The following TPTE2 variants were observed in gnomAD, a reference collection of about 807,000 sequenced individuals.
The protein encoded by TPTE2 is transmembrane phosphoinositide 3-phosphatase and tensin homolog 2, also known as phosphatidylinositol 3,4,5-trisphosphate 3-phosphatase TPTE2.
Under a neutral mutation model 78.6 loss-of-function variants are expected in TPTE2, and 53 were observed. The observed-to-expected ratio is 0.67, with a 90% confidence interval of 0.54 to 0.85. The LOEUF (loss-of-function observed/expected upper bound fraction) is 0.85. Ranked by LOEUF, TPTE2 falls within the 40% of genes least tolerant of loss-of-function variation. The pLI, the probability that TPTE2 is intolerant of heterozygous loss-of-function variation, is 0.00. For synonymous variants in TPTE2, 175 were observed against 206.2 expected (o/e 0.85, Z 1.30); for missense variants, 461 against 623.0 (o/e 0.74, Z 2.77).
At chr13:19,539,001 T>C (rs2137764537), upstream of TPTE2, among the ~76,000 whole-genome samples, 1 of 152,334 alleles carries the variant, frequency 6.6e-6, no homozygotes, top group South Asian at 2.1e-4. Flanking sequence ...GTGGGGACTC[T>C]ACAGAGTTCT....
At chr13:19,499,239 A>G (rs1486808118) in intron 1 of TPTE2, among the ~76,000 whole-genome samples, 1 of 152,156 alleles carries the variant, frequency 6.6e-6, no homozygotes, top group Non-Finnish European at 1.5e-5. Context: ...AGACAGATCA[A>G]CGAGACAGAA....
intron 13 of TPTE2, among the ~76,000 whole-genome samples, chr13:19,442,207 A>G (rs778126477): frequency 3.3e-5 from 5 of 152,094 alleles, no homozygotes; most frequent in Non-Finnish European, 7.4e-5. Context: ...ATTTCAAAGA[A>G]CTAAAAAAGA....
the TPTE2 span, among the ~76,000 whole-genome samples, chr13:19,549,357 G>A: frequency 1.3e-5 from 2 of 151,996 alleles, no homozygotes; most frequent in Non-Finnish European, 2.9e-5. Context: ...ATGAACAGAC[G>A]ATTCTCAAAA....
At chr13:19,498,941 A>C (rs1258740499) in intron 1 of TPTE2, among the ~76,000 whole-genome samples, 8 of 152,098 alleles carry the variant, frequency 5.3e-5, no homozygotes, top group African/African-American at 1.9e-4. Context: ...TCAAAATAAA[A>C]GGATGGAGGA....
chr13:19,440,765 T>C (rs1877435158), intron 13 of TPTE2, among the ~76,000 whole-genome samples: 1 of 149,832 alleles, frequency 6.7e-6, no homozygotes, highest in Non-Finnish European at 1.5e-5. Context: ...AGACTCCATC[T>C]CAAAAACAAA....
chr13:19,447,037 A>T (rs1014097047), intron 13 of TPTE2, among the ~76,000 whole-genome samples: 4 of 152,308 alleles, frequency 2.6e-5, no homozygotes, highest in Admixed American at 1.3e-4. Context: ...TACAATACTA[A>T]GAAAAATTGG....
At chr13:19,518,453 A>G (rs555493538) in intron 1 of TPTE2, among the ~76,000 whole-genome samples, 6 of 152,344 alleles carry the variant, frequency 3.9e-5, no homozygotes, top group African/African-American at 1.4e-4. Flanking sequence ...AAATATGTGA[A>G]CAGATACTTC....
intron 17 of TPTE2, among the ~76,000 whole-genome samples, chr13:19,430,025 T>G (rs1395054889): frequency 2.0e-5 from 3 of 152,188 alleles, no homozygotes; most frequent in Non-Finnish European, 4.4e-5. Context: ...CGAATCATAC[T>G]TTGGGGGTAC....
intron 13 of TPTE2, among the ~76,000 whole-genome samples, chr13:19,443,397 C>CTTTTTTTTTTTTT (rs71092357): frequency 1.0e-4 from 13 of 129,906 alleles, no homozygotes; most frequent in East Asian, 4.6e-4. Context: ...TTCTTTCTTT[C>CTTTTTTTTTTTTT]TTTTTTTTTT....
chr13:19,520,879 C>T (rs747049047), intron 1 of TPTE2, among the ~76,000 whole-genome samples: 5 of 151,996 alleles, frequency 3.3e-5, no homozygotes, highest in Non-Finnish European at 4.4e-5. Flanking sequence ...TACATTGTTT[C>T]ATTTCCATAT....
At chr13:19,506,661 A>T (rs1869073566), upstream of TPTE2, among the ~76,000 whole-genome samples, 1 of 152,238 alleles carries the variant, frequency 6.6e-6, no homozygotes, top group Admixed American at 6.5e-5. Flanking sequence ...GGAATGCCAA[A>T]GATTGCCAAC....
intron 19 of TPTE2, among the ~76,000 whole-genome samples, chr13:19,424,510 T>G (rs1566032289): frequency 6.6e-6 from 1 of 152,218 alleles, no homozygotes; most frequent in Non-Finnish European, 1.5e-5. Flanking sequence ...GATATAAGTG[T>G]GTCCGTCAGC....
chr13:19,488,882 G>A (rs1220266561), intron 3 of TPTE2, among the ~76,000 whole-genome samples: 1 of 152,118 alleles, frequency 6.6e-6, no homozygotes, highest in Non-Finnish European at 1.5e-5. Flanking sequence ...CAACTTGGCT[G>A]AACTGCTACA....
At chr13:19,454,092 C>A (rs746899820) in intron 10 of TPTE2, among the ~76,000 whole-genome samples, 1 of 152,138 alleles carries the variant, frequency 6.6e-6, no homozygotes, top group Non-Finnish European at 1.5e-5. Context: ...ATGCTTCCAC[C>A]GTAGTGCTTG....
At chr13:19,451,843 G>GTGTGTGTGTGTGTGTATATA (rs1555249617) in intron 10 of TPTE2, among the ~76,000 whole-genome samples, 1 of 147,030 alleles carries the variant, frequency 6.8e-6, no homozygotes, top group Non-Finnish European at 1.5e-5. Context: ...GTGTGTGTGT[G>GTGTGTGTGTGTGTGTATATA]TATATATGTA....
At chr13:19,533,878 C>T (rs1871035525) in intron 1 of TPTE2, among the ~76,000 whole-genome samples, 1 of 152,174 alleles carries the variant, frequency 6.6e-6, no homozygotes, top group Non-Finnish European at 1.5e-5. Flanking sequence ...CTTCCTTGCC[C>T]TCTGAACTGT....
the TPTE2 span, chr13:19,560,877 G>C: frequency 1.9e-6 from 3 of 1,568,722 alleles, no homozygotes; most frequent in East Asian, 4.7e-5. Context: ...CAGGCCTTGC[G>C]TCTCCGCTTG....
chr13:19,452,951 TTTTTA>T (rs71198905), intron 10 of TPTE2, among the ~76,000 whole-genome samples: 8,585 of 145,802 alleles, frequency 0.059, 326 homozygotes, highest in East Asian at 0.18. Flanking sequence ...CCTTCATATT[TTTTTA>T]TTTTATTTTA....
the TPTE2 span, among the ~76,000 whole-genome samples, chr13:19,556,408 G>T: frequency 5.3e-5 from 8 of 152,160 alleles, no homozygotes; most frequent in Admixed American, 3.9e-4. Flanking sequence ...ACATGAATGA[G>T]ATATAGCCCC....
Sources: allele counts gnomAD v4.1 joint callset (sites outside exome capture counted in the v4.1 genomes callset), GRCh38; gene constraint gnomAD v4.1.1; transcripts MANE v1.5; gene names NCBI Gene and HGNC (gene_info 2026-07-23, HGNC 2026-07-21).